Variants in HDAC9 observed in about 807,000 individuals in gnomAD.
HDAC9 encodes histone deacetylase 9.
Under a neutral mutation model 139.4 loss-of-function variants are expected in HDAC9, and 41 were observed. That is an observed-to-expected ratio of 0.29 (90% CI 0.23 to 0.38). The LOEUF is 0.38. Ranked by LOEUF, HDAC9 falls within the 10% of genes least tolerant of loss-of-function variation. HDAC9 has a pLI of 1.00. For missense variants in HDAC9, 1,147 were observed against 1,297.0 expected, an observed-to-expected ratio of 0.88 and a Z score of 1.78; for synonymous variants, 517 against 476.2, an observed-to-expected ratio of 1.09 and a Z score of -1.12.
In HDAC9 at chr7:18,537,526, CT is replaced by C. The variant is rs566494381; in HGVS notation, c.22+41214del. On this transcript the variant is annotated intron_variant, in intron 2 of 25. Coordinates refer to ENST00000686413, the MANE Select transcript of HDAC9 (RefSeq NM_178425.4). ...AATAAATAGGGATCAAAAGCAGAAA[CT>C]TTTTTTTTTTTCTAATTTCTGTCAA... is the stretch of plus-strand genomic sequence containing the variant. Among the ~76,000 whole-genome samples, 249 of 147,370 alleles carry C rather than the reference CT, an allele frequency of 1.7e-3. 3 individuals are homozygous for C. The East Asian group carries it at 0.018, about 11-fold the overall frequency.
chr7:18,623,813 G>T (rs532930173), intron 6 of HDAC9, among the ~76,000 whole-genome samples: 1 of 152,096 alleles, frequency 6.6e-6, no homozygotes, highest in South Asian at 2.1e-4. Flanking sequence ...GTGGTGGCAC[G>T]CCCCTATAAT....
intron 1 of HDAC9, among the ~76,000 whole-genome samples, chr7:18,109,348 G>A (rs188495013): frequency 1.1e-4 from 16 of 152,318 alleles, no homozygotes; most frequent in African/African-American, 2.9e-4. Flanking sequence ...GTCATGTAAG[G>A]TAGGTAGGTT....
intron 2 of HDAC9, among the ~76,000 whole-genome samples, chr7:18,204,333 T>C (rs1791345533): frequency 1.1e-5 from 1 of 88,402 alleles, no homozygotes; most frequent in Non-Finnish European, 2.6e-5. Context: ...TGAATCTGCC[T>C]TTTTTTTTTT....
intron 17 of HDAC9, among the ~76,000 whole-genome samples, chr7:18,806,800 G>T (rs1440077106): frequency 6.6e-6 from 1 of 151,980 alleles, no homozygotes; most frequent in African/African-American, 2.4e-5. Flanking sequence ...TGCATATATT[G>T]AAACAACCTT....
intron 22 of HDAC9, among the ~76,000 whole-genome samples, chr7:18,903,248 CTT>C (rs1014442961): frequency 6.6e-6 from 1 of 152,190 alleles, no homozygotes; most frequent in Non-Finnish European, 1.5e-5. Context: ...AATAACATGA[CTT>C]TAGGCAAGTT....
chr7:18,320,492 C>G (rs1799950862), intron 1 of HDAC9, among the ~76,000 whole-genome samples: 1 of 152,116 alleles, frequency 6.6e-6, no homozygotes, highest in East Asian at 1.9e-4. Flanking sequence ...CAGAGTATCC[C>G]TTATTGTCAA....
chr7:18,670,302 A>T (rs1201784383), intron 12 of HDAC9, among the ~76,000 whole-genome samples: 1 of 152,006 alleles, frequency 6.6e-6, no homozygotes, highest in Non-Finnish European at 1.5e-5. Flanking sequence ...CAATCAAAGA[A>T]TTTGAGCAAA....
At position 18,648,522 on chromosome 7, in the gene HDAC9, G is replaced by T; in HGVS notation, c.1306G>T (p.Gly436Cys). The T allele has an allele frequency of 1.2e-6, 2 of 1,613,174 alleles. No homozygotes were observed. Among genetic ancestry groups the T allele is most frequent in the South Asian group, 1.1e-5 (1 of 91,050 alleles). The change falls in exon 11 of 26, where the codon GGC becomes TGC. Residue 436 changes from glycine to cysteine, a missense_variant. This residue lies in a region of HDAC9 where 264 missense variants were observed against 273.8 expected (regional missense o/e 0.96). Transcript: ENST00000686413. ...PLATKERISP[G>C]IRGTHKLPRH... ...GGCAACAAAAGAGAGAATTTCACCT[G>T]GCATTAGAGGTACCCACAAATTGCC...
intron 12 of HDAC9, among the ~76,000 whole-genome samples, chr7:18,692,233 C>T (rs1181737556): frequency 6.6e-6 from 1 of 152,048 alleles, no homozygotes; most frequent in Non-Finnish European, 1.5e-5. Context: ...AAACATCAGT[C>T]CAGGGAGATG....
chr7:18,243,425 A>G (rs142645183), intron 2 of HDAC9, among the ~76,000 whole-genome samples: 156 of 152,312 alleles, frequency 1.0e-3, no homozygotes, highest in Non-Finnish European at 1.6e-3. Flanking sequence ...CCCATGTTGG[A>G]TGTCCCTTAC....
intron 22 of HDAC9, among the ~76,000 whole-genome samples, chr7:18,907,697 C>T: frequency 6.6e-6 from 1 of 152,230 alleles, no homozygotes; most frequent in Admixed American, 6.5e-5. Flanking sequence ...TCAGATAATT[C>T]TGGAAAGAAA....
At chr7:18,350,926 A>G (rs1023174093) in intron 1 of HDAC9, among the ~76,000 whole-genome samples, 8 of 152,120 alleles carry the variant, frequency 5.3e-5, no homozygotes, top group Non-Finnish European at 1.0e-4. Flanking sequence ...GCCGCTGGGT[A>G]GCTGGTCGAC....
intron 1 of HDAC9, among the ~76,000 whole-genome samples, chr7:18,404,756 G>A (rs1787855200): frequency 6.6e-6 from 1 of 151,850 alleles, no homozygotes; most frequent in Non-Finnish European, 1.5e-5. Context: ...GTATATTTAT[G>A]GTCACAAAAA....
intron 22 of HDAC9, among the ~76,000 whole-genome samples, chr7:18,932,614 A>G (rs1294962773): frequency 6.6e-6 from 1 of 152,094 alleles, no homozygotes; most frequent in East Asian, 1.9e-4. Context: ...GAGGGAATTT[A>G]ACTGGAGACC....
chr7:18,116,184 A>T (rs1365720188), intron 1 of HDAC9, among the ~76,000 whole-genome samples: 1 of 152,192 alleles, frequency 6.6e-6, no homozygotes, highest in East Asian at 1.9e-4. Flanking sequence ...TTGCATATAT[A>T]ACCATAATTT....
chr7:18,838,299 G>A (rs1261654716), intron 21 of HDAC9, among the ~76,000 whole-genome samples: 2 of 152,156 alleles, frequency 1.3e-5, no homozygotes, highest in East Asian at 3.9e-4. Flanking sequence ...GCTCAGAGCA[G>A]ATAAAATGAT....
intron 21 of HDAC9, among the ~76,000 whole-genome samples, chr7:18,866,093 A>G (rs1798476531): frequency 6.8e-6 from 1 of 147,648 alleles, no homozygotes; most frequent in South Asian, 2.2e-4. Flanking sequence ...GGCCTACGAG[A>G]TGCTACATGA....
intron 2 of HDAC9, among the ~76,000 whole-genome samples, chr7:18,572,005 T>C (rs1046884742): frequency 1.3e-5 from 2 of 151,792 alleles, no homozygotes; most frequent in Non-Finnish European, 2.9e-5. Context: ...CACATAATGA[T>C]GTACTTTTTG....
At chr7:18,584,338 C>T (rs1178228405) in intron 2 of HDAC9, among the ~76,000 whole-genome samples, 1 of 151,730 alleles carries the variant, frequency 6.6e-6, no homozygotes, top group African/African-American at 2.4e-5. Context: ...CCGTGTTGGC[C>T]AGGATGGTCT....
Sources: gnomAD v4.1 joint callset for allele counts (sites outside exome capture counted in the v4.1 genomes callset) on GRCh38, gnomAD v4.1.1 for gene constraint, gnomAD v4.1.1 regional missense constraint, MANE v1.5 for transcripts, NCBI Gene and HGNC (gene_info 2026-07-23, HGNC 2026-07-21) for gene names.